MTCL1: variants seen among roughly 807,000 people sequenced by gnomAD.
MTCL1 encodes microtubule cross-linking factor 1.
A neutral mutation model predicts 141.4 loss-of-function variants in MTCL1; 79 were observed. The ratio of observed to expected loss-of-function variants is 0.56; its 90% CI spans 0.47 to 0.67. The LOEUF is 0.67. Among genes scored for constraint, MTCL1 ranks in the 30% least tolerant of loss-of-function variants. The pLI is 0.00. For synonymous variants in MTCL1, 914 were observed against 875.8 expected (o/e 1.04, Z -0.77); for missense variants, 2,177 against 2,113.9 (o/e 1.03, Z -0.59).
intron 12 of MTCL1, among the ~76,000 whole-genome samples, chr18:8,813,489 T>G (rs1598775531): frequency 7.3e-6 from 1 of 136,454 alleles, no homozygotes; most frequent in Non-Finnish European, 1.6e-5. Context: ...CAGAGCAGGG[T>G]GGGTGGGGCT....
At chr18:8,789,490 G>A (rs2075643916) in intron 7 of MTCL1, 1 of 985,336 alleles carries the variant, frequency 1.0e-6, no homozygotes, top group Non-Finnish European at 1.2e-6. Flanking sequence ...GAAGTAATTT[G>A]TAAGCCACTT....
intron 4 of MTCL1, among the ~76,000 whole-genome samples, chr18:8,733,771 C>T (rs1286790171): frequency 6.6e-6 from 1 of 152,110 alleles, no homozygotes; most frequent in African/African-American, 2.4e-5. Flanking sequence ...GGAGCGTCCT[C>T]GCAGGTGGGA....
At chr18:8,832,075 G>C (rs3186500) in exon 17 of MTCL1, 175,068 of 467,234 alleles carry the variant, frequency 0.37, 33,946 homozygotes, top group Middle Eastern at 0.43. Context: ...TAAACGAAAA[G>C]GTAAATAAGG....
At chr18:8,773,767 A>G (rs1263979175) in intron 4 of MTCL1, among the ~76,000 whole-genome samples, 1 of 152,218 alleles carries the variant, frequency 6.6e-6, no homozygotes, top group African/African-American at 2.4e-5. Context: ...TCACCAACAC[A>G]TACCAAATAG....
chr18:8,821,481 C>T (rs772029712), exon 14 of MTCL1: 3 of 1,429,346 alleles, frequency 2.1e-6, no homozygotes, highest in East Asian at 4.7e-5. Context: ...AAGAAAATCA[C>T]AAAGGAAATC....
rs536217643 is a variant in MTCL1 at position 8,739,880 on chromosome 18, C to T, written c.357+19384C>T. ...CCGAGTAGCTGGGACTAAAGGCGCA[C>T]GCCACCACACCCAGCTAATTTTTTG... is the stretch of plus-strand genomic sequence containing the variant. On this transcript the variant is annotated intron_variant, in intron 4 of 16. Coordinates refer to ENST00000359865, the Ensembl canonical transcript of MTCL1. 2.3e-3 allele frequency among the ~76,000 whole-genome samples: 348 copies of T among 152,260 alleles called. 3 individuals carry two copies. Among genetic ancestry groups the T allele is most frequent in the Middle Eastern group, 0.01 (3 of 292 alleles).
chr18:8,829,670 G>C, intron 16 of MTCL1: 1 of 985,234 alleles, frequency 1.0e-6, no homozygotes, highest in Non-Finnish European at 1.2e-6. Context: ...GCCTTGACTC[G>C]AAGCCAGTAG....
intron 15 of MTCL1, among the ~76,000 whole-genome samples, chr18:8,826,715 C>T (rs2077039087): frequency 2.6e-5 from 4 of 152,228 alleles, no homozygotes; most frequent in Non-Finnish European, 5.9e-5. Context: ...GATTCCTGGG[C>T]TGGCTTCCTT....
chr18:8,824,964 G>A (rs760767443), exon 15 of MTCL1: 17 of 1,613,488 alleles, frequency 1.1e-5, no homozygotes, highest in Admixed American at 5.0e-5. Context: ...GCCTTTCCCC[G>A]ACTCCTCCTG....
chr18:8,818,926 A>G (rs779034264), intron 12 of MTCL1, 37 bp from the exon 12 acceptor site: 44 of 1,579,184 alleles, frequency 2.8e-5, no homozygotes, highest in Non-Finnish European at 2.6e-6. Flanking sequence ...CAGACAGAAA[A>G]GTGAGGCTAA....
At chr18:8,749,847 TAAAACTGAGTTGTTGGG>T (rs1217724836) in intron 4 of MTCL1, among the ~76,000 whole-genome samples, 1 of 152,168 alleles carries the variant, frequency 6.6e-6, no homozygotes, top group Non-Finnish European at 1.5e-5. Context: ...TCTGCAACTG[TAAAACTGAGTTGTTGGG>T]ACCCAGCTAT....
At chr18:8,812,858 G>A (rs2076532953) in intron 11 of MTCL1, 121 bp from the exon 11 acceptor site, 1 of 1,264,654 alleles carries the variant, frequency 7.9e-7, no homozygotes, top group Admixed American at 2.4e-5. Flanking sequence ...TTTATACTGT[G>A]GGATTGGTCA....
intron 4 of MTCL1, among the ~76,000 whole-genome samples, chr18:8,777,460 G>GA (rs2096515746): frequency 6.6e-6 from 1 of 152,154 alleles, no homozygotes; most frequent in East Asian, 1.9e-4. Context: ...ACCAGCTCCA[G>GA]AAATATGAGT....
intron 7 of MTCL1, chr18:8,786,298 T>C: frequency 1.4e-6 from 1 of 711,702 alleles, no homozygotes; most frequent in Admixed American, 2.0e-5. Flanking sequence ...ACTGCTGTGC[T>C]CGTCAGACAG....
Position 8,783,529 on chromosome 18 carries a change from G to C in MTCL1, c.418-1G>C, listed in dbSNP as rs1568021904. On this transcript the variant is annotated splice_acceptor_variant, in intron 5 of 16. Coordinates refer to ENST00000359865, the Ensembl canonical transcript of MTCL1. LOFTEE classifies it high-confidence loss of function. ...TCTCCCGGGCTGTTCTCTCCTGGCA[G>C]GATGACAGTGCCGATTTGAGGTGCC... 6.3e-7 allele frequency: 1 copy of C among 1,596,996 alleles called. No homozygotes were observed. Among genetic ancestry groups the C allele is most frequent in the Non-Finnish European group, 8.6e-7 (1 of 1,167,396 alleles).
chr18:8,711,599 A>G (rs1167140218), intron 1 of MTCL1, among the ~76,000 whole-genome samples: 3 of 151,752 alleles, frequency 2.0e-5, no homozygotes, highest in Non-Finnish European at 2.9e-5. Context: ...ATGTGAGATG[A>G]TATCTCATAG....
chr18:8,720,440 A>G, exon 4 of MTCL1: 1 of 1,614,144 alleles, frequency 6.2e-7, no homozygotes, highest in East Asian at 2.2e-5. Flanking sequence ...ACAGCAGATG[A>G]TTGAAGTGGA....
chr18:8,792,356 T>G (rs145279402), intron 7 of MTCL1, among the ~76,000 whole-genome samples: 82 of 152,276 alleles, frequency 5.4e-4, no homozygotes, highest in African/African-American at 1.9e-3. Flanking sequence ...CCACCACCTG[T>G]CTTTAAACGT....
chr18:8,795,570 T>C (rs1339072438), intron 8 of MTCL1, among the ~76,000 whole-genome samples: 1 of 152,248 alleles, frequency 6.6e-6, no homozygotes, highest in Non-Finnish European at 1.5e-5. Flanking sequence ...ATGCCAGATA[T>C]TTCTTTTTCA....
Sources: allele counts gnomAD v4.1 joint callset (sites outside exome capture counted in the v4.1 genomes callset), GRCh38; gene constraint gnomAD v4.1.1; transcripts MANE v1.5; gene names NCBI Gene and HGNC (gene_info 2026-07-23, HGNC 2026-07-21).